Variants in TSNARE1 observed in about 807,000 individuals in gnomAD.
TSNARE1 encodes the protein t-SNARE domain-containing protein 1.
In TSNARE1, 49 loss-of-function variants were observed where a neutral mutation model predicts 62.0. The observed-to-expected ratio is 0.79, with a 90% CI of 0.63 to 1.00. The LOEUF is 1.00. Ranked by LOEUF, TSNARE1 falls within the 50% of genes least tolerant of loss-of-function variation. TSNARE1 has a pLI of 0.00. For missense variants in TSNARE1, 755 were observed against 700.1 expected (o/e 1.08, Z -0.88); for synonymous variants, 328 against 294.4 (o/e 1.11, Z -1.17).
chr8:142,232,594 C>A (rs549545906), intron 12 of TSNARE1, among the ~76,000 whole-genome samples: 1 of 152,214 alleles, frequency 6.6e-6, no homozygotes. Context: ...GGAGCACCTG[C>A]GGAAGAAAGG....
At chr8:142,382,509 C>T (rs1265995524) in intron 1 of TSNARE1, among the ~76,000 whole-genome samples, 1 of 152,156 alleles carries the variant, frequency 6.6e-6, no homozygotes, top group Non-Finnish European at 1.5e-5. Flanking sequence ...GTCATGCGGG[C>T]AGGGGGCAGG....
At chr8:142,281,049 G>A (rs1022197286) in intron 11 of TSNARE1, among the ~76,000 whole-genome samples, 2 of 152,202 alleles carry the variant, frequency 1.3e-5, no homozygotes, top group Admixed American at 6.5e-5. Flanking sequence ...GACGCCAGCT[G>A]CCTGAGGGTC....
chr8:142,373,633 C>T (rs1351315187), intron 1 of TSNARE1, among the ~76,000 whole-genome samples: 3 of 150,104 alleles, frequency 2.0e-5, no homozygotes, highest in Non-Finnish European at 3.0e-5. Flanking sequence ...ACCCCCACCC[C>T]TCCTTCTACC....
chr8:142,308,021 C>T (rs889154250), intron 9 of TSNARE1, among the ~76,000 whole-genome samples: 14 of 152,220 alleles, frequency 9.2e-5, no homozygotes, highest in Non-Finnish European at 1.8e-4. Context: ...TATGAGCCAA[C>T]CGGAATCCTC....
At chr8:142,299,625 GCACA>G (rs901259881) in intron 10 of TSNARE1, among the ~76,000 whole-genome samples, 4 of 152,158 alleles carry the variant, frequency 2.6e-5, no homozygotes, top group African/African-American at 7.2e-5. Flanking sequence ...ACACATGCAT[GCACA>G]CACACGCACT....
At chr8:142,311,290 G>GTTTTTTTTTTTTTGT (rs1827550778) in intron 9 of TSNARE1, among the ~76,000 whole-genome samples, 12 of 57,334 alleles carry the variant, frequency 2.1e-4, no homozygotes, top group Non-Finnish European at 3.5e-4. Context: ...AGCCTCTCTA[G>GTTTTTTTTTTTTTGT]TTTTTTTTTT....
intron 12 of TSNARE1, among the ~76,000 whole-genome samples, chr8:142,244,597 T>C (rs547144877): frequency 1.4e-4 from 21 of 152,336 alleles, no homozygotes; most frequent in Admixed American, 9.8e-4. Context: ...GGGTTATCTA[T>C]GGAACTTGAC....
intron 12 of TSNARE1, among the ~76,000 whole-genome samples, chr8:142,244,167 CAG>C (rs1388959730): frequency 1.3e-5 from 2 of 152,218 alleles, no homozygotes; most frequent in Non-Finnish European, 1.5e-5. Context: ...GCCTGGGCGA[CAG>C]AGCGAGACTC....
intron 11 of TSNARE1, chr8:142,277,916 C>T (rs1231320877): frequency 2.0e-6 from 2 of 985,304 alleles, no homozygotes; most frequent in African/African-American, 3.5e-5. Context: ...TCCTTCTCAG[C>T]CCCACACCAC....
At chr8:142,382,472 A>G (rs1395834315) in intron 1 of TSNARE1, among the ~76,000 whole-genome samples, 2 of 152,170 alleles carry the variant, frequency 1.3e-5, no homozygotes, top group African/African-American at 4.8e-5. Context: ...GGATGGCAGC[A>G]ACAAACAGCA....
At chr8:142,332,500 T>C (rs1002437195) in intron 4 of TSNARE1, among the ~76,000 whole-genome samples, 1 of 152,144 alleles carries the variant, frequency 6.6e-6, no homozygotes, top group African/African-American at 2.4e-5. Flanking sequence ...TGCTGAATAT[T>C]CTAACAGACA....
chr8:142,276,228 T>C, intron 11 of TSNARE1: 1 of 985,456 alleles, frequency 1.0e-6, no homozygotes. Flanking sequence ...CGGCCGCTCC[T>C]GGAGCAAAGC....
intron 10 of TSNARE1, among the ~76,000 whole-genome samples, chr8:142,297,048 G>C (rs907571279): frequency 1.3e-5 from 2 of 152,228 alleles, no homozygotes; most frequent in African/African-American, 4.8e-5. Flanking sequence ...TGAGGACAGA[G>C]AGCGACCTTC....
At chr8:142,318,035 T>C (rs551420201) in intron 7 of TSNARE1, among the ~76,000 whole-genome samples, 2 of 152,214 alleles carry the variant, frequency 1.3e-5, no homozygotes, top group East Asian at 3.9e-4. Context: ...ACGGTAGTGA[T>C]GGCTGTGGCA....
chr8:142,233,608 A>G (rs1817233880), intron 12 of TSNARE1, among the ~76,000 whole-genome samples: 1 of 152,200 alleles, frequency 6.6e-6, no homozygotes, highest in Non-Finnish European at 1.5e-5. Context: ...GCTGGTGACC[A>G]GGCCCAGACC....
At chr8:142,329,272 G>A (rs765325946) in intron 6 of TSNARE1, among the ~76,000 whole-genome samples, 4 of 152,186 alleles carry the variant, frequency 2.6e-5, no homozygotes, top group Admixed American at 1.3e-4. Context: ...AGCTAAGGCC[G>A]GCCCAGGGGA....
At chr8:142,366,663 C>T (rs568053628) in intron 1 of TSNARE1, among the ~76,000 whole-genome samples, 4 of 152,288 alleles carry the variant, frequency 2.6e-5, no homozygotes, top group East Asian at 1.9e-4. Flanking sequence ...TCATCCTAAA[C>T]GAGCACCTTA....
chr8:142,278,221 G>A (rs1268596706), intron 11 of TSNARE1: 1 of 985,436 alleles, frequency 1.0e-6, no homozygotes, highest in Non-Finnish European at 1.2e-6. Flanking sequence ...GGTTGGCTGG[G>A]TCTACATGCG....
chr8:142,238,743 G>A (rs62512623), intron 12 of TSNARE1, among the ~76,000 whole-genome samples: 21 of 16,546 alleles, frequency 1.3e-3, no homozygotes, highest in East Asian at 5.9e-3. Flanking sequence ...CTGCACGCCC[G>A]CCCCTGCACG....
Sources: gnomAD v4.1 joint callset for allele counts (sites outside exome capture counted in the v4.1 genomes callset) on GRCh38, gnomAD v4.1.1 for gene constraint, MANE v1.5 for transcripts, NCBI Gene and HGNC (gene_info 2026-07-23, HGNC 2026-07-21) for gene names.